DTNBP1: variants seen among roughly 807,000 people sequenced by gnomAD.
DTNBP1 encodes the protein dysbindin.
Under a neutral mutation model 42.8 loss-of-function variants are expected in DTNBP1, and 35 were observed. The ratio of observed to expected loss-of-function variants is 0.82; its 90% confidence interval spans 0.63 to 1.09. The LOEUF (loss-of-function observed/expected upper bound fraction) is 1.09, where lower values mean the gene tolerates loss of function less well. DTNBP1 is among the 50% of genes least tolerant of loss of function. DTNBP1 has a pLI of 0.00. For missense variants in DTNBP1, 457 were observed against 424.2 expected, an observed-to-expected ratio of 1.08 and a Z score of -0.68; for synonymous variants, 171 against 162.2, an observed-to-expected ratio of 1.05 and a Z score of -0.41.
rs1267294951 is a variant in DTNBP1, at chr6:15,529,249, C to T, written c.667+3991G>A. Among the ~76,000 whole-genome samples, 5 of 152,206 alleles carry T rather than the reference C, an allele frequency of 3.3e-5. No individual in the cohort carries two copies. The East Asian group carries it at 9.6e-4, about 29-fold the overall frequency. On this transcript the variant is annotated intron_variant, in intron 8 of 9. Transcript: ENST00000344537. ...GCAATGAGCTATGACCACGCCACTGCACTCCAGCCTGGGTGACAGTGAGAC... is the reference window on the plus strand; with the variant it reads ...GCAATGAGCTATGACCACGCCACTGTACTCCAGCCTGGGTGACAGTGAGAC...
intron 7 of DTNBP1, among the ~76,000 whole-genome samples, chr6:15,560,398 C>T (rs1345899775): frequency 6.6e-6 from 1 of 152,122 alleles, no homozygotes; most frequent in Non-Finnish European, 1.5e-5. Context: ...AAAGTGTACT[C>T]CTGTAAACAA....
chr6:15,648,994 T>TAA (rs55951018), intron 3 of DTNBP1, among the ~76,000 whole-genome samples: 1 of 151,842 alleles, frequency 6.6e-6, no homozygotes, highest in African/African-American at 2.4e-5. Flanking sequence ...GTAGCTATAA[T>TAA]AAAAAACAAG....
intron 8 of DTNBP1, 133 bp from the exon 9 acceptor site, chr6:15,524,802 T>C: frequency 2.2e-6 from 3 of 1,374,940 alleles, no homozygotes; most frequent in Admixed American, 4.1e-5. Context: ...AGCAACGTAT[T>C]AGTAGATGAC....
intron 6 of DTNBP1, chr6:15,595,218 T>C (rs953881813): frequency 1.5e-5 from 7 of 452,072 alleles, no homozygotes; most frequent in African/African-American, 8.1e-5. Context: ...GTACAAATAA[T>C]TGGTTTAAAG....
At chr6:15,545,340 T>C (rs2113377189) in intron 7 of DTNBP1, among the ~76,000 whole-genome samples, 1 of 152,364 alleles carries the variant, frequency 6.6e-6, no homozygotes, top group South Asian at 2.1e-4. Flanking sequence ...TACCATACAT[T>C]ATTTCTGTGA....
chr6:15,650,645 T>C (rs908535954), intron 3 of DTNBP1, among the ~76,000 whole-genome samples: 2 of 152,214 alleles, frequency 1.3e-5, no homozygotes, highest in African/African-American at 4.8e-5. Context: ...TTCATGTGCT[T>C]ATCGGTCGTT....
At chr6:15,584,582 A>G (rs943319304) in intron 7 of DTNBP1, among the ~76,000 whole-genome samples, 3 of 152,022 alleles carry the variant, frequency 2.0e-5, no homozygotes, top group African/African-American at 7.2e-5. Flanking sequence ...GCTATGTTAT[A>G]CATACACAGG....
At position 15,533,344 on chromosome 6, in the gene DTNBP1, T is replaced by A. The variant is rs764648832; in HGVS notation, c.563A>T (p.Gln188Leu). Residue 188 changes from glutamine (Q) to leucine (L), a missense_variant, in exon 8 of 10, where the codon CAG becomes CTG. Physicochemically the swap from Gln to Leu is moderately radical, Grantham distance 113. Coordinates refer to ENST00000344537, the MANE Select transcript of DTNBP1 (RefSeq NM_032122.5). ...CTGCCGCTCCTTCAGCTTCATTTGC[T>A]GGGTGTGCTCCATTTCCAGGACCTT... ...AQKVLEMEHT[Q>L]QMKLKERQKF... The A allele has an allele frequency of 2.5e-6, 4 of 1,614,246 alleles. No individual in the cohort carries two copies. Among genetic ancestry groups the A allele is most frequent in the East Asian group, 4.5e-5 (2 of 44,874 alleles).
At chr6:15,555,586 T>C (rs985689148) in intron 7 of DTNBP1, among the ~76,000 whole-genome samples, 9 of 152,322 alleles carry the variant, frequency 5.9e-5, no homozygotes, top group Admixed American at 1.3e-4. Flanking sequence ...TGCATTAGCA[T>C]GCTAAAAGAT....
intron 5 of DTNBP1, among the ~76,000 whole-genome samples, chr6:15,624,231 T>TGAGA (rs1261806574): frequency 1.3e-5 from 2 of 152,234 alleles, no homozygotes; most frequent in African/African-American, 4.8e-5. Flanking sequence ...TTGGAGCCAT[T>TGAGA]GAGAAATCTG....
intron 7 of DTNBP1, chr6:15,585,630 C>T (rs1776048353): frequency 1.4e-6 from 2 of 1,406,760 alleles, no homozygotes; most frequent in South Asian, 2.7e-5. Flanking sequence ...ATCTGCATAC[C>T]ATGCAAATAC....
chr6:15,526,373 C>T (rs1772391830), intron 8 of DTNBP1, among the ~76,000 whole-genome samples: 1 of 152,186 alleles, frequency 6.6e-6, no homozygotes, highest in Admixed American at 6.5e-5. Flanking sequence ...GAGGAGGGTG[C>T]TTAGAGCCAC....
At chr6:15,628,280 G>A (rs929145815) in intron 4 of DTNBP1, among the ~76,000 whole-genome samples, 1 of 150,530 alleles carries the variant, frequency 6.6e-6, no homozygotes, top group African/African-American at 2.4e-5. Flanking sequence ...CAAGAACTGT[G>A]GAAAAAACTC....
chr6:15,563,250 C>T (rs945288894), intron 7 of DTNBP1, among the ~76,000 whole-genome samples: 3 of 152,296 alleles, frequency 2.0e-5, no homozygotes, highest in Non-Finnish European at 2.9e-5. Flanking sequence ...TATCACAATA[C>T]CTCATTTGAA....
intron 6 of DTNBP1, among the ~76,000 whole-genome samples, chr6:15,612,521 A>G (rs965363674): frequency 6.6e-6 from 1 of 152,220 alleles, no homozygotes; most frequent in Non-Finnish European, 1.5e-5. Flanking sequence ...ATGTAGCTAA[A>G]AAGCAATGGG....
intron 7 of DTNBP1, among the ~76,000 whole-genome samples, chr6:15,580,069 T>C (rs552308406): frequency 6.6e-6 from 1 of 152,316 alleles, no homozygotes; most frequent in Non-Finnish European, 1.5e-5. Flanking sequence ...TAGTTGAAGA[T>C]AAATATCTGC....
At chr6:15,534,829 A>G (rs1389094959) in intron 7 of DTNBP1, among the ~76,000 whole-genome samples, 1 of 152,150 alleles carries the variant, frequency 6.6e-6, no homozygotes, top group Non-Finnish European at 1.5e-5. Context: ...CAATATTGAT[A>G]TGAAACATAT....
At chr6:15,601,272 A>C (rs570191511) in intron 6 of DTNBP1, among the ~76,000 whole-genome samples, 1 of 152,188 alleles carries the variant, frequency 6.6e-6, no homozygotes, top group Non-Finnish European at 1.5e-5. Flanking sequence ...TGTTGATGCA[A>C]TCTTTCTTTT....
At chr6:15,645,963 T>G (rs1760656864) in intron 3 of DTNBP1, among the ~76,000 whole-genome samples, 1 of 151,720 alleles carries the variant, frequency 6.6e-6, no homozygotes, top group Non-Finnish European at 1.5e-5. Context: ...GAAAGAAATA[T>G]AAGGTACCCA....
Sources: gnomAD v4.1 joint callset for allele counts (sites outside exome capture counted in the v4.1 genomes callset) on GRCh38, gnomAD v4.1.1 for gene constraint, MANE v1.5 for transcripts, NCBI Gene and HGNC (gene_info 2026-07-23, HGNC 2026-07-21) for gene names.